Variants in DOCK10 observed in about 807,000 individuals in gnomAD.
The protein encoded by DOCK10 is dedicator of cytokinesis 10.
A neutral mutation model predicts 280.1 loss-of-function variants in DOCK10; 145 were observed. The observed-to-expected ratio is 0.52, with a 90% CI of 0.45 to 0.59. DOCK10 has a LOEUF of 0.59. Among genes scored for constraint, DOCK10 ranks in the 20% least tolerant of loss-of-function variants. DOCK10 has a pLI of 0.00. For missense variants in DOCK10, 2,368 were observed against 2,651.7 expected (o/e 0.89, Z 2.35); for synonymous variants, 915 against 942.2 (o/e 0.97, Z 0.53).
At chr2:224,982,415 T>G (rs1705798225) in intron 1 of DOCK10, 3 of 1,231,144 alleles carry the variant, frequency 2.4e-6, no homozygotes, top group Middle Eastern at 3.1e-4. Context: ...TGATGCTATG[T>G]TTGCAAAACA....
intron 1 of DOCK10, among the ~76,000 whole-genome samples, chr2:224,967,485 G>C (rs1316020803): frequency 6.6e-6 from 1 of 152,124 alleles, no homozygotes; most frequent in Non-Finnish European, 1.5e-5. Flanking sequence ...TCTTGGCATT[G>C]GGTAGGTCAA....
intron 31 of DOCK10, among the ~76,000 whole-genome samples, chr2:224,813,018 G>C (rs1429849677): frequency 6.6e-6 from 1 of 152,088 alleles, no homozygotes; most frequent in African/African-American, 2.4e-5. Context: ...AGTTAGGGAG[G>C]ATTCCCTCTT....
intron 9 of DOCK10, 24 bp from the exon 10 acceptor site, chr2:224,874,373 C>G: frequency 6.4e-7 from 1 of 1,572,502 alleles, no homozygotes; most frequent in South Asian, 1.1e-5. Flanking sequence ...TGTGTTAGTC[C>G]TTGGTATCTA....
At chr2:225,021,607 G>A (rs974139447) in intron 1 of DOCK10, among the ~76,000 whole-genome samples, 2 of 152,188 alleles carry the variant, frequency 1.3e-5, no homozygotes, top group Non-Finnish European at 2.9e-5. Context: ...ACTTGCAGCA[G>A]GTTCCTGTAA....
rs571792560 is a variant in DOCK10, at chr2:224,982,600, A to G, written c.124-50932T>C. The G allele has an allele frequency of 9.7e-5, 80 of 825,052 alleles. 1 individual carries two copies. In the South Asian group the frequency reaches 3.3e-3, roughly 34 times the overall value. The allele number at this position is 825,052 out of a possible 1,614,324, so 51.1% of individuals were successfully genotyped here. A position where few individuals can be genotyped will look rare whatever the true frequency, so the allele number is the denominator to read the frequency against. Reference sequence around the variant, plus strand: ...AGGAATATTAGAGCACTGCGCTCAGAAAGTATTTCTCAATTCACATCGAGA... The same window carrying G: ...AGGAATATTAGAGCACTGCGCTCAGGAAGTATTTCTCAATTCACATCGAGA... On this transcript the variant is annotated intron_variant, in intron 1 of 55. Coordinates refer to ENST00000258390, the MANE Select transcript of DOCK10 (RefSeq NM_014689.3).
intron 41 of DOCK10, among the ~76,000 whole-genome samples, chr2:224,799,816 A>G (rs1004478490): frequency 2.0e-5 from 3 of 152,198 alleles, no homozygotes; most frequent in African/African-American, 7.2e-5. Context: ...TAAATTTAAT[A>G]TATAGGCCCA....
At position 224,952,982 on chromosome 2, in the gene DOCK10, C is replaced by T. The variant is rs917902093; in HGVS notation, c.124-21314G>A. ...TGGCATCATCACTGAATCTAAGCAA[C>T]CGGGGGGCAGAAACCTGGCTTTCAT... On this transcript the variant is annotated intron_variant, in intron 1 of 55. Transcript: ENST00000258390. Among the ~76,000 whole-genome samples the T allele has an allele frequency of 2.6e-5, 4 of 152,310 alleles. No homozygotes were observed. The East Asian group carries it at 7.7e-4, about 29-fold the overall frequency.
chr2:224,886,398 T>C, intron 5 of DOCK10, 61 bp downstream of exon 5: 2 of 1,547,310 alleles, frequency 1.3e-6, no homozygotes, highest in South Asian at 1.1e-5. Context: ...AAACTTTCAG[T>C]GCAAGACAGA....
chr2:224,908,184 A>ATGTGTG (rs71062966), intron 3 of DOCK10, among the ~76,000 whole-genome samples: 31,120 of 148,354 alleles, frequency 0.21, 3,335 homozygotes, highest in Admixed American at 0.31. Context: ...GTGTGTGTGT[A>ATGTGTG]TGTGTGTGTG....
At chr2:224,881,067 G>T (rs1483728961) in intron 7 of DOCK10, among the ~76,000 whole-genome samples, 1 of 152,080 alleles carries the variant, frequency 6.6e-6, no homozygotes, top group Admixed American at 6.6e-5. Context: ...CTAGTGTAAT[G>T]AAATGTCAGT....
rs1446904549 is a variant in DOCK10, at chr2:224,856,974, A to G, written c.1694T>C (p.Phe565Ser). Residue 565 changes from phenylalanine (F) to serine (S), a missense_variant, in exon 15 of 56, where the codon TTT becomes TCT. Physicochemically the swap from Phe to Ser is radical, Grantham distance 155. Around this residue, in one of 2 missense-constraint regions of DOCK10, gnomAD observed 1,209 missense variants for 1,250.9 expected, o/e 0.97. Transcript: ENST00000258390. Reference protein sequence around the residue: ...MPFAWAVRSVFKDNQGNVDRD... With the variant: ...MPFAWAVRSVSKDNQGNVDRD... ...GTCCACATTTCCCTGGTTGTCCTTA[A>G]ATACTGATCTAAAAGAAAATATTTA... is the stretch of plus-strand genomic sequence containing the variant. 6.2e-7 allele frequency: 1 copy of G among 1,606,316 alleles called. No homozygotes were observed. The highest frequency in any genetic ancestry group is 8.5e-7 in the Non-Finnish European group (1 of 1,176,400).
At chr2:224,994,521 G>T (rs1706214507) in intron 1 of DOCK10, among the ~76,000 whole-genome samples, 1 of 152,214 alleles carries the variant, frequency 6.6e-6, no homozygotes. Flanking sequence ...CATTGAATAT[G>T]TGAGATGCAG....
At chr2:225,035,936 G>A (rs566951463) in intron 1 of DOCK10, among the ~76,000 whole-genome samples, 2 of 151,664 alleles carry the variant, frequency 1.3e-5, no homozygotes, top group East Asian at 1.9e-4. Flanking sequence ...TCTCATGACC[G>A]AATCTACCCC....
chr2:224,773,945 A>G (rs1690640704), intron 52 of DOCK10, among the ~76,000 whole-genome samples: 1 of 152,170 alleles, frequency 6.6e-6, no homozygotes, highest in East Asian at 1.9e-4. Context: ...TAGAATTTCT[A>G]AACACTGAAA....
chr2:224,837,673 G>T, intron 25 of DOCK10, 89 bp downstream of exon 25: 1 of 1,123,246 alleles, frequency 8.9e-7, no homozygotes, highest in Non-Finnish European at 1.4e-6. Flanking sequence ...CAGTTAAAGG[G>T]AGAAAACTTC....
chr2:224,807,274 T>TA (rs1693451938), intron 33 of DOCK10: 1 of 168,634 alleles, frequency 5.9e-6, no homozygotes, highest in Non-Finnish European at 1.3e-5. Flanking sequence ...GGAAGGATTA[T>TA]AGTCACTCCT....
At chr2:224,837,488 A>T (rs1179403882) in intron 25 of DOCK10, among the ~76,000 whole-genome samples, 1 of 152,238 alleles carries the variant, frequency 6.6e-6, no homozygotes, top group Non-Finnish European at 1.5e-5. Context: ...TCAAAAGGAC[A>T]GCACTTTAGT....
chr2:224,796,011 G>C (rs889094391), intron 44 of DOCK10, among the ~76,000 whole-genome samples: 5 of 144,218 alleles, frequency 3.5e-5, no homozygotes, highest in African/African-American at 1.3e-4. Flanking sequence ...TTTGAGGAGT[G>C]CTCAAAGCTC....
chr2:224,974,308 A>G (rs1417233317), intron 1 of DOCK10, among the ~76,000 whole-genome samples: 2 of 152,242 alleles, frequency 1.3e-5, no homozygotes, highest in Non-Finnish European at 2.9e-5. Context: ...AATACGTTCC[A>G]GCAGAATGAA....
Sources: gnomAD v4.1 joint callset for allele counts (sites outside exome capture counted in the v4.1 genomes callset) on GRCh38, gnomAD v4.1.1 for gene constraint, gnomAD v4.1.1 regional missense constraint, MANE v1.5 for transcripts, NCBI Gene and HGNC (gene_info 2026-07-23, HGNC 2026-07-21) for gene names.